The following DLGAP2 variants were observed in gnomAD, a reference collection of about 807,000 sequenced individuals.
The protein encoded by DLGAP2 is DLG associated protein 2, also known as disks large-associated protein 2.
A neutral mutation model predicts 100.3 loss-of-function variants in DLGAP2; 26 were observed. The observed-to-expected ratio is 0.26, with a 90% CI of 0.19 to 0.36. The LOEUF (loss-of-function observed/expected upper bound fraction) is 0.36. Ranked by LOEUF, DLGAP2 falls within the 10% of genes least tolerant of loss-of-function variation. DLGAP2 has a pLI of 1.00. For missense variants in DLGAP2, 1,858 were observed against 1,453.2 expected (o/e 1.28, Z -4.53); for synonymous variants, 886 against 630.1 (o/e 1.41, Z -6.08).
intron 2 of DLGAP2, among the ~76,000 whole-genome samples, chr8:1,064,341 A>G (rs1803179111): frequency 6.6e-6 from 1 of 152,240 alleles, no homozygotes; most frequent in Non-Finnish European, 1.5e-5. Flanking sequence ...TGCAAGAGGT[A>G]CACACAATTC....
At chr8:1,171,964 G>T (rs1797138173) in intron 2 of DLGAP2, among the ~76,000 whole-genome samples, 1 of 152,268 alleles carries the variant, frequency 6.6e-6, no homozygotes, top group East Asian at 1.9e-4. Flanking sequence ...AGTTGATGCA[G>T]TTTCTTCCTA....
chr8:888,846 T>A (rs1480200821), intron 1 of DLGAP2, among the ~76,000 whole-genome samples: 1 of 152,170 alleles, frequency 6.6e-6, no homozygotes, highest in Non-Finnish European at 1.5e-5. Flanking sequence ...TTGGAGGGTC[T>A]CACCGAGTTG....
At chr8:1,276,604 C>A (rs1215455056) in intron 3 of DLGAP2, among the ~76,000 whole-genome samples, 2 of 151,610 alleles carry the variant, frequency 1.3e-5, no homozygotes, top group African/African-American at 4.8e-5. Context: ...GACCAGGAAG[C>A]CCAAAGGTGG....
At chr8:1,640,294 T>A (rs1042293225) in intron 8 of DLGAP2, among the ~76,000 whole-genome samples, 2 of 149,498 alleles carry the variant, frequency 1.3e-5, no homozygotes, top group African/African-American at 5.0e-5. Context: ...CCAGGTGTGC[T>A]GCCCCGTGGG....
chr8:1,683,834 CTATATA>C (rs35210879), intron 12 of DLGAP2, among the ~76,000 whole-genome samples: 3 of 56,206 alleles, frequency 5.3e-5, no homozygotes, highest in East Asian at 6.6e-4. Context: ...CTTTGCTCCA[CTATATA>C]TATATATATA....
rs187407359 is a variant in DLGAP2, at chr8:1,707,906, C to T, written c.*6500C>T. On this transcript the variant is annotated 3_prime_UTR_variant, in exon 15 of 15. Transcript: ENST00000637795. ...ATTTTATGTCATTCTCTTTCTCACG[C>T]TTTTATGGTTCTTTTGATAAATTCT... is the stretch of plus-strand genomic sequence containing the variant. The T allele has an allele frequency of 6.6e-6, 1 of 152,598 alleles. No individual in the cohort carries two copies. Among genetic ancestry groups the T allele is most frequent in the Non-Finnish European group, 1.5e-5 (1 of 68,036 alleles). 9.5% of individuals were successfully genotyped at this position (152,598 alleles called of 1,614,324 possible).
intron 2 of DLGAP2, among the ~76,000 whole-genome samples, chr8:949,645 G>A (rs1799425476): frequency 6.6e-6 from 1 of 152,214 alleles, no homozygotes; most frequent in African/African-American, 2.4e-5. Context: ...CTCTTTTTCT[G>A]GCAGGTCCTC....
At chr8:1,424,958 C>G (rs1214290859) in intron 3 of DLGAP2, among the ~76,000 whole-genome samples, 1 of 152,152 alleles carries the variant, frequency 6.6e-6, no homozygotes, top group African/African-American at 2.4e-5. Context: ...GCAGTGATGG[C>G]TGCACAACAA....
intron 1 of DLGAP2, among the ~76,000 whole-genome samples, chr8:851,004 A>T (rs1234847114): frequency 6.6e-6 from 1 of 152,192 alleles, no homozygotes; most frequent in East Asian, 1.9e-4. Context: ...ACAAGTAGAG[A>T]CGCAGCAAAA....
chr8:1,293,072 C>G (rs928747071), intron 3 of DLGAP2, among the ~76,000 whole-genome samples: 1 of 152,134 alleles, frequency 6.6e-6, no homozygotes, highest in African/African-American at 2.4e-5. Context: ...TCAACCTGAC[C>G]CACAAGTGGG....
At chr8:1,416,296 G>T (rs1190375166) in intron 3 of DLGAP2, among the ~76,000 whole-genome samples, 1 of 152,136 alleles carries the variant, frequency 6.6e-6, no homozygotes, top group African/African-American at 2.4e-5. Flanking sequence ...CCGTCACGAC[G>T]GCCATGGAAA....
intron 3 of DLGAP2, among the ~76,000 whole-genome samples, chr8:1,351,313 T>C (rs368789239): frequency 5.2e-5 from 3 of 57,422 alleles, no homozygotes; most frequent in Admixed American, 2.0e-4. Flanking sequence ...CCTGAGTGTG[T>C]GTGGAAAGGC....
At chr8:1,371,813 C>A (rs1255071172) in intron 3 of DLGAP2, among the ~76,000 whole-genome samples, 1 of 152,182 alleles carries the variant, frequency 6.6e-6, no homozygotes, top group Non-Finnish European at 1.5e-5. Context: ...GAACTGTCCA[C>A]TCACCCTGGA....
intron 2 of DLGAP2, among the ~76,000 whole-genome samples, chr8:1,155,531 C>G (rs879362626): frequency 3.3e-5 from 5 of 149,258 alleles, no homozygotes; most frequent in Admixed American, 6.6e-5. Flanking sequence ...AGGCTGTTGA[C>G]GACAGCATAT....
chr8:989,535 T>C (rs1216387164), intron 2 of DLGAP2, among the ~76,000 whole-genome samples: 2 of 152,144 alleles, frequency 1.3e-5, no homozygotes, highest in Non-Finnish European at 2.9e-5. Flanking sequence ...GTACCAACTT[T>C]CTCACATGTC....
chr8:1,336,783 A>G (rs185346202), intron 3 of DLGAP2, among the ~76,000 whole-genome samples: 1 of 152,340 alleles, frequency 6.6e-6, no homozygotes, highest in Admixed American at 6.5e-5. Flanking sequence ...CCCTCTTTTA[A>G]TAAACTACTT....
At chr8:1,432,803 A>G (rs1268129564) in intron 3 of DLGAP2, among the ~76,000 whole-genome samples, 3 of 152,124 alleles carry the variant, frequency 2.0e-5, no homozygotes, top group African/African-American at 7.2e-5. Context: ...TTTGGATTAA[A>G]CCAGGTTCAG....
chr8:1,698,503 G>C (rs548112419), intron 14 of DLGAP2, among the ~76,000 whole-genome samples: 4 of 145,046 alleles, frequency 2.8e-5, no homozygotes, highest in Admixed American at 6.7e-5. Context: ...GCAGGTCCAC[G>C]TAAGCCACAC....
intron 1 of DLGAP2, among the ~76,000 whole-genome samples, chr8:744,493 C>T (rs1486988933): frequency 2.0e-5 from 3 of 152,116 alleles, no homozygotes; most frequent in Non-Finnish European, 4.4e-5. Flanking sequence ...TCTCCGGCCA[C>T]GTCGCCCTCC....
Sources: allele counts gnomAD v4.1 joint callset (sites outside exome capture counted in the v4.1 genomes callset), GRCh38; gene constraint gnomAD v4.1.1; transcripts MANE v1.5; gene names NCBI Gene and HGNC (gene_info 2026-07-23, HGNC 2026-07-21).